ITPR1: variants seen among roughly 807,000 people sequenced by gnomAD.
ITPR1 encodes inositol 1,4,5-trisphosphate-gated calcium channel ITPR1.
ITPR1 carries 96 observed loss-of-function variants against 318.4 expected under a neutral mutation model. The observed-to-expected ratio is 0.30, with a 90% CI of 0.26 to 0.36. The LOEUF (loss-of-function observed/expected upper bound fraction) is 0.36, where lower values mean the gene tolerates loss of function less well. Ranked by LOEUF, ITPR1 falls within the 10% of genes least tolerant of loss-of-function variation. The pLI, the probability that ITPR1 is intolerant of heterozygous loss-of-function variation, is 1.00. For synonymous variants in ITPR1, 1,312 were observed against 1,289.9 expected (o/e 1.02, Z -0.37); for missense variants, 2,440 against 3,460.2 (o/e 0.71, Z 7.40).
chr3:4,516,512 C>A lies in ITPR1; in HGVS notation c.21C>A (p.Ser7Arg). Residue 7 changes from serine to arginine, a missense_variant, in exon 3 of 62, where the codon AGC (serine) becomes AGA (arginine). Ser to Arg is a moderately radical substitution (Grantham distance 110). This residue lies in a region of ITPR1 where 186 missense variants were observed against 323.9 expected (regional missense o/e 0.57). Transcript: ENST00000649015. ...AAGACATGTCTGACAAAATGTCTAG[C>A]TTCCTACATATTGGAGACATTTGTT... MSDKMS[S>R]FLHIGDICSL... is the part of the protein sequence containing the mutation. The A allele has an allele frequency of 6.3e-7, 1 of 1,589,818 alleles. No individual in the cohort carries two copies. The highest frequency in any genetic ancestry group is 8.6e-7 in the Non-Finnish European group (1 of 1,168,378).
chr3:4,737,992 T>C (rs1426216735), intron 44 of ITPR1, among the ~76,000 whole-genome samples: 2 of 152,146 alleles, frequency 1.3e-5, no homozygotes, highest in Non-Finnish European at 2.9e-5. Context: ...TTCTCAGTTA[T>C]AAGTGGGAGC....
chr3:4,751,882 A>G (rs2044556245), intron 44 of ITPR1, among the ~76,000 whole-genome samples: 1 of 152,138 alleles, frequency 6.6e-6, no homozygotes, highest in African/African-American at 2.4e-5. Flanking sequence ...TTCCCTGAGA[A>G]CTGACTTGAT....
At chr3:4,611,359 A>G (rs1323711942) in intron 4 of ITPR1, among the ~76,000 whole-genome samples, 1 of 151,756 alleles carries the variant, frequency 6.6e-6, no homozygotes, top group Non-Finnish European at 1.5e-5. Context: ...CAGGAGTTTG[A>G]GACCAGCTTG....
At chr3:4,566,597 GACACATGCACACAC>G (rs2087283507) in intron 4 of ITPR1, among the ~76,000 whole-genome samples, 2 of 96,500 alleles carry the variant, frequency 2.1e-5, no homozygotes, top group Admixed American at 2.3e-4. Context: ...CCTGAATGGG[GACACATGCACACAC>G]ACACACACAC....
chr3:4,836,794 C>T lies in ITPR1; in HGVS notation c.8049C>T (p.Phe2683=), dbSNP rs1185141754. The change falls in exon 61 of 62, where the codon TTC becomes TTT. Residue 2683 remains phenylalanine (F), a synonymous_variant. Transcript: ENST00000649015. The part of the protein sequence containing the change: ...EMIKERNLDW[F]PRMRAMSLVS... ...TCTAGGAAAGAAACCTTGACTGGTT[C>T]CCCAGGATGAGAGCCATGTCATTGG... The T allele has an allele frequency of 4.3e-6, 6 of 1,392,180 alleles. No individual in the cohort carries two copies. The highest frequency in any genetic ancestry group is 2.7e-5 in the East Asian group (1 of 37,720). The allele number at this position is 1,392,180 out of a possible 1,614,324, so 86.2% of individuals were successfully genotyped here. A position where few individuals can be genotyped will look rare whatever the true frequency, so the allele number is the denominator to read the frequency against.
intron 52 of ITPR1, among the ~76,000 whole-genome samples, chr3:4,789,129 G>A (rs184112166): frequency 2.6e-5 from 4 of 152,086 alleles, no homozygotes; most frequent in Non-Finnish European, 5.9e-5. Context: ...TTCCAGCCCC[G>A]CTGTACTCTT....
At position 4,507,146 on chromosome 3, in the gene ITPR1, G is replaced by T. The variant is rs1349315838; in HGVS notation, c.-16-9330G>T. 3.4e-5 allele frequency among the ~76,000 whole-genome samples: 5 copies of T among 146,144 alleles called. No homozygotes were observed. The South Asian group carries it at 1.1e-3, about 31-fold the overall frequency. On this transcript the variant is annotated intron_variant, in intron 2 of 61. Transcript: ENST00000649015. The stretch of plus-strand genomic sequence containing the variant: ...AATCACTTTGAGGTCTGGTTTCACA[G>T]AACATAGCCGGATTCACAGATCATA...
At chr3:4,636,521 C>T (rs889533633) in intron 5 of ITPR1, among the ~76,000 whole-genome samples, 8 of 152,064 alleles carry the variant, frequency 5.3e-5, no homozygotes, top group Non-Finnish European at 7.4e-5. Flanking sequence ...CTCCGCTTCC[C>T]GGGTTCCAGT....
At chr3:4,735,460 G>C (rs1343644047) in intron 44 of ITPR1, 106 bp downstream of exon 44, 2 of 921,964 alleles carry the variant, frequency 2.2e-6, no homozygotes, top group Admixed American at 2.1e-5. Flanking sequence ...TTGAGAGACA[G>C]CTCATTCTGA....
In ITPR1 at chr3:4,652,183, A is replaced by G. The variant is rs762948180; in HGVS notation, c.916A>G (p.Lys306Glu). 1 of 1,612,930 alleles carries G rather than the reference A, an allele frequency of 6.2e-7. No homozygotes were observed. Among genetic ancestry groups the G allele is most frequent in the Non-Finnish European group, 8.5e-7 (1 of 1,179,566 alleles). The change falls in exon 11 of 62, where the codon AAG becomes GAG. Residue 306 changes from lysine to glutamate, a missense_variant. Coordinates refer to ENST00000649015, the MANE Select transcript of ITPR1 (RefSeq NM_001378452.1). ...AGYWNSLFRF[K>E]HLATGHYLAA... ...GTATTGGAACAGCCTTTTCCGTTTC[A>G]AGCATCTGGCCACGGGGCATTACTT...
chr3:4,815,358 T>A, intron 59 of ITPR1, 140 bp downstream of exon 59: 4 of 702,762 alleles, frequency 5.7e-6, no homozygotes, highest in Non-Finnish European at 9.4e-6. Flanking sequence ...GTCTTGACTC[T>A]TCTACCCTCT....
At chr3:4,620,784 T>G (rs2092599577) in intron 4 of ITPR1, among the ~76,000 whole-genome samples, 1 of 151,526 alleles carries the variant, frequency 6.6e-6, no homozygotes, top group Non-Finnish European at 1.5e-5. Context: ...TTTGTCAGCC[T>G]GAATTAAATT....
At chr3:4,623,479 A>G (rs940020592) in intron 4 of ITPR1, among the ~76,000 whole-genome samples, 5 of 152,222 alleles carry the variant, frequency 3.3e-5, no homozygotes, top group African/African-American at 1.2e-4. Flanking sequence ...GTGAGTTCAA[A>G]CAACAGTGTA....
chr3:4,654,116 A>G (rs1018138591), intron 12 of ITPR1, among the ~76,000 whole-genome samples: 5 of 152,100 alleles, frequency 3.3e-5, no homozygotes, highest in Admixed American at 6.5e-5. Flanking sequence ...ATGTGTAGTA[A>G]CGGGGTCTCC....
chr3:4,792,300 G>A (rs1324593254), intron 52 of ITPR1, among the ~76,000 whole-genome samples: 1 of 152,248 alleles, frequency 6.6e-6, no homozygotes, highest in Non-Finnish European at 1.5e-5. Context: ...AAGTTCTAAT[G>A]ATTCACATGT....
intron 46 of ITPR1, among the ~76,000 whole-genome samples, chr3:4,773,707 A>G (rs562702372): frequency 1.3e-5 from 2 of 152,312 alleles, no homozygotes; most frequent in African/African-American, 4.8e-5. Context: ...CAACCCCTCA[A>G]ACAGGTAGTA....
intron 60 of ITPR1, among the ~76,000 whole-genome samples, chr3:4,835,485 A>G (rs1373559881): frequency 6.6e-6 from 1 of 152,212 alleles, no homozygotes; most frequent in Non-Finnish European, 1.5e-5. Flanking sequence ...GGTGGCCCAC[A>G]AAGCTGAAAA....
In ITPR1 at chr3:4,683,524, G is replaced by A; in HGVS notation, c.3300G>A (p.Arg1100=). The change falls in exon 27 of 62, where the codon AGG becomes AGA. Residue 1100 remains arginine (R), a synonymous_variant. Coordinates refer to ENST00000649015, the MANE Select transcript of ITPR1 (RefSeq NM_001378452.1). ...LQLLFRHFSQ[R]QEVLQAFKQV... The stretch of plus-strand genomic sequence containing the variant: ...TCCTCTTCCGGCACTTCAGCCAGAG[G>A]CAGGAGGTGCTCCAGGCCTTCAAAC... The A allele has an allele frequency of 1.2e-6, 2 of 1,614,016 alleles. No individual in the cohort carries two copies. Among genetic ancestry groups the A allele is most frequent in the Non-Finnish European group, 1.7e-6 (2 of 1,179,852 alleles).
intron 44 of ITPR1, among the ~76,000 whole-genome samples, chr3:4,755,469 G>T (rs1302801785): frequency 1.3e-5 from 2 of 151,594 alleles, no homozygotes; most frequent in South Asian, 2.1e-4. Flanking sequence ...GAAATCCTGG[G>T]CTCAAGCAGT....
Sources: allele counts gnomAD v4.1 joint callset (sites outside exome capture counted in the v4.1 genomes callset), GRCh38; gene constraint gnomAD v4.1.1; regional missense constraint gnomAD v4.1.1; transcripts MANE v1.5; gene names NCBI Gene and HGNC (gene_info 2026-07-23, HGNC 2026-07-21).